CTIF: variants seen among roughly 807,000 people sequenced by gnomAD.
CTIF encodes CBP80/20-dependent translation initiation factor.
In CTIF, 21 loss-of-function variants were observed where a neutral mutation model predicts 66.0. The observed-to-expected ratio is 0.32, with a 90% confidence interval of 0.23 to 0.46. The LOEUF (loss-of-function observed/expected upper bound fraction) is 0.46. Ranked by LOEUF, CTIF falls within the 20% of genes least tolerant of loss-of-function variation. The pLI is 1.00. For missense variants in CTIF, 739 were observed against 812.7 expected (o/e 0.91, Z 1.10); for synonymous variants, 345 against 326.4 (o/e 1.06, Z -0.62).
chr18:48,548,565 G>A (rs1198245581), intron 1 of CTIF, among the ~76,000 whole-genome samples: 1 of 152,236 alleles, frequency 6.6e-6, no homozygotes, highest in Non-Finnish European at 1.5e-5. Context: ...TAAAGAGCAT[G>A]CGTTGCCTTT....
chr18:48,836,587 G>A (rs536584678), intron 10 of CTIF, among the ~76,000 whole-genome samples: 74 of 152,310 alleles, frequency 4.9e-4, no homozygotes, highest in African/African-American at 1.7e-3. Flanking sequence ...CATCCCACCA[G>A]GTCCCCCTGG....
intron 7 of CTIF, among the ~76,000 whole-genome samples, chr18:48,715,991 G>A (rs781219157): frequency 1.2e-4 from 19 of 152,304 alleles, no homozygotes; most frequent in East Asian, 9.6e-4. Context: ...GGAAGGGAGC[G>A]TTACCTTGGG....
intron 7 of CTIF, among the ~76,000 whole-genome samples, chr18:48,719,309 A>C (rs897126675): frequency 6.6e-6 from 1 of 152,114 alleles, no homozygotes. Context: ...CACAGCTGCT[A>C]TCTGGAACTT....
chr18:48,796,729 C>A (rs144342436), intron 9 of CTIF, among the ~76,000 whole-genome samples: 1 of 152,316 alleles, frequency 6.6e-6, no homozygotes, highest in African/African-American at 2.4e-5. Context: ...CACAGCTGCC[C>A]AGGGGAGAAG....
At chr18:48,659,770 G>T (rs2091310215) in intron 3 of CTIF, among the ~76,000 whole-genome samples, 1 of 152,152 alleles carries the variant, frequency 6.6e-6, no homozygotes, top group African/African-American at 2.4e-5. Context: ...GAAGCAGCCT[G>T]GTGCCGAGTT....
chr18:48,708,584 G>A (rs961837652), intron 6 of CTIF, among the ~76,000 whole-genome samples: 3 of 152,176 alleles, frequency 2.0e-5, no homozygotes, highest in Non-Finnish European at 4.4e-5. Context: ...GGCCCCAGGT[G>A]GCCTTATACA....
intron 5 of CTIF, 77 bp downstream of exon 5, chr18:48,664,628 T>C (rs573018593): frequency 1.6e-6 from 2 of 1,232,816 alleles, no homozygotes; most frequent in African/African-American, 1.5e-5. Flanking sequence ...ACAGGGAGGC[T>C]GCTCTGCTGC....
At chr18:48,841,687 G>A (rs2068946155) in intron 10 of CTIF, among the ~76,000 whole-genome samples, 1 of 152,156 alleles carries the variant, frequency 6.6e-6, no homozygotes, top group African/African-American at 2.4e-5. Context: ...AGGCAGGCGG[G>A]CAGGCGGGCA....
chr18:48,633,733 AAATAAATG>A (rs1411593606), intron 2 of CTIF, among the ~76,000 whole-genome samples: 1 of 148,868 alleles, frequency 6.7e-6, no homozygotes, highest in African/African-American at 2.4e-5. Flanking sequence ...ATAAATAAAT[AAATAAATG>A]TACATATATA....
chr18:48,808,626 G>A (rs2068200008), intron 9 of CTIF, among the ~76,000 whole-genome samples: 1 of 150,636 alleles, frequency 6.6e-6, no homozygotes, highest in African/African-American at 2.5e-5. Context: ...TTAGACAGCT[G>A]TCCCTGCACT....
intron 2 of CTIF, among the ~76,000 whole-genome samples, chr18:48,621,171 C>T (rs1248010012): frequency 6.6e-6 from 1 of 151,966 alleles, no homozygotes; most frequent in African/African-American, 2.4e-5. Flanking sequence ...GTGTATTCTA[C>T]TCGTGGATGA....
chr18:48,762,499 G>A (rs1909103473), intron 9 of CTIF, among the ~76,000 whole-genome samples: 1 of 152,244 alleles, frequency 6.6e-6, no homozygotes, highest in Non-Finnish European at 1.5e-5. Flanking sequence ...GGCCACATCA[G>A]GTCCTGGGAC....
chr18:48,828,123 A>G (rs770473031), intron 10 of CTIF, among the ~76,000 whole-genome samples: 19 of 152,076 alleles, frequency 1.2e-4, no homozygotes, highest in Non-Finnish European at 2.4e-4. Flanking sequence ...CCATGGTAAC[A>G]CAGGATCTGA....
chr18:48,730,046 G>T (rs1264970583), intron 7 of CTIF, among the ~76,000 whole-genome samples: 1 of 152,206 alleles, frequency 6.6e-6, no homozygotes, highest in Non-Finnish European at 1.5e-5. Context: ...CAGCTGTGCT[G>T]CCCAGCGCAG....
chr18:48,639,680 A>G (rs529767767), intron 3 of CTIF, among the ~76,000 whole-genome samples: 64 of 152,334 alleles, frequency 4.2e-4, no homozygotes, highest in Middle Eastern at 3.4e-3. Context: ...GGCATAAACA[A>G]GAGGAATCTT....
intron 6 of CTIF, among the ~76,000 whole-genome samples, chr18:48,701,493 C>T (rs1326272469): frequency 1.4e-5 from 2 of 145,262 alleles, no homozygotes; most frequent in Admixed American, 6.8e-5. Flanking sequence ...ATTTGGTCTT[C>T]GACACAGAGA....
At chr18:48,606,698 A>T (rs905308692) in intron 1 of CTIF, among the ~76,000 whole-genome samples, 4 of 152,146 alleles carry the variant, frequency 2.6e-5, no homozygotes, top group Non-Finnish European at 5.9e-5. Context: ...TGGCACATTG[A>T]GGGAGTGGAG....
At chr18:48,595,253 C>T (rs1045408493) in intron 1 of CTIF, among the ~76,000 whole-genome samples, 30 of 152,092 alleles carry the variant, frequency 2.0e-4, no homozygotes, top group African/African-American at 7.2e-4. Flanking sequence ...GCTCACCCAG[C>T]CCAGCCTCTT....
intron 10 of CTIF, among the ~76,000 whole-genome samples, chr18:48,837,852 C>T (rs1487387658): frequency 2.6e-5 from 4 of 152,182 alleles, no homozygotes; most frequent in Non-Finnish European, 5.9e-5. Flanking sequence ...CCCCACCAAC[C>T]TGTCCCAGCA....
Sources: gnomAD v4.1 joint callset for allele counts (sites outside exome capture counted in the v4.1 genomes callset) on GRCh38, gnomAD v4.1.1 for gene constraint, MANE v1.5 for transcripts, NCBI Gene and HGNC (gene_info 2026-07-23, HGNC 2026-07-21) for gene names.